CCDC73: variants seen among roughly 807,000 people sequenced by gnomAD.
CCDC73 encodes the protein coiled-coil domain containing 73, also known as coiled-coil domain-containing protein 73.
CCDC73 carries 95 observed loss-of-function variants against 116.5 expected under a neutral mutation model. The observed-to-expected ratio is 0.82, with a 90% CI of 0.69 to 0.97. CCDC73 has a LOEUF of 0.97. Among genes scored for constraint, CCDC73 ranks in the 50% least tolerant of loss-of-function variants. CCDC73 has a pLI of 0.00. For synonymous variants in CCDC73, 398 were observed against 401.3 expected (o/e 0.99, Z 0.10); for missense variants, 1,066 against 1,206.8 (o/e 0.88, Z 1.73).
chr11:32,728,696 TTTTG>T (rs1850049776), intron 2 of CCDC73, among the ~76,000 whole-genome samples: 2 of 149,462 alleles, frequency 1.3e-5, no homozygotes, highest in East Asian at 1.9e-4. Context: ...TCCAATTCTG[TTTTG>T]TTTGTTTTGT....
At chr11:32,819,270 G>A in the CCDC73 span, among the ~76,000 whole-genome samples, 1 of 151,218 alleles carries the variant, frequency 6.6e-6, no homozygotes, top group African/African-American at 2.4e-5. Flanking sequence ...TTCCATACAG[G>A]ACAAACCATA....
At position 32,653,231 on chromosome 11, in the gene CCDC73, T is replaced by C. The variant is rs766334347; in HGVS notation, c.835-4A>G. 2.9e-5 allele frequency: 46 copies of C among 1,571,838 alleles called. No homozygotes were observed. Among genetic ancestry groups the C allele is most frequent in the Non-Finnish European group, 3.9e-5 (45 of 1,144,614 alleles). Reference sequence around the variant, plus strand: ...GTTGGAAAGAAATGATGATATCCTTTGAAAATACACAAATATATCAATTTA... The same window carrying C: ...GTTGGAAAGAAATGATGATATCCTTCGAAAATACACAAATATATCAATTTA... On this transcript the variant is annotated splice_region_variant and splice_polypyrimidine_tract_variant and intron_variant, in intron 11 of 17. Coordinates refer to ENST00000335185, the MANE Select transcript of CCDC73 (RefSeq NM_001008391.4).
chr11:32,675,791 T>C lies in CCDC73; in HGVS notation c.565+95A>G, dbSNP rs1371588158. 2.4e-6 allele frequency: 3 copies of C among 1,225,658 alleles called. No homozygotes were observed. In the Admixed American group the frequency reaches 6.9e-5, roughly 28 times the overall value. 75.9% of individuals were successfully genotyped at this position (1,225,658 alleles called of 1,614,324 possible). ...AGTTATTAACTGCCATTTACTATTATCAGTATTATCATAGATATTCAATGT... is the reference window on the plus strand; with the variant it reads ...AGTTATTAACTGCCATTTACTATTACCAGTATTATCATAGATATTCAATGT... On this transcript the variant is annotated intron_variant, in intron 8 of 17. Coordinates refer to ENST00000335185, the MANE Select transcript of CCDC73 (RefSeq NM_001008391.4).
chr11:32,775,836 A>T (rs1180657577), intron 1 of CCDC73, among the ~76,000 whole-genome samples: 3 of 152,118 alleles, frequency 2.0e-5, no homozygotes, highest in Admixed American at 6.6e-5. Flanking sequence ...CTATCACACA[A>T]CTGCCATGTG....
Position 32,702,948 on chromosome 11 carries a change from T to A in CCDC73, c.208-4A>T. The A allele has an allele frequency of 6.2e-7, 1 of 1,604,950 alleles. No homozygotes were observed. Among genetic ancestry groups the A allele is most frequent in the Non-Finnish European group, 8.5e-7 (1 of 1,171,686 alleles). ...CCTTTTGATTCTGAAGAGTTTCCTG[T>A]TTTAAAAATTATGACAAGTTAAAAC... On this transcript the variant is annotated splice_polypyrimidine_tract_variant and splice_region_variant and intron_variant, in intron 3 of 17. Coordinates refer to ENST00000335185, the MANE Select transcript of CCDC73 (RefSeq NM_001008391.4).
At chr11:32,713,603 C>A (rs1849920501) in intron 3 of CCDC73, among the ~76,000 whole-genome samples, 1 of 152,018 alleles carries the variant, frequency 6.6e-6, no homozygotes, top group East Asian at 1.9e-4. Context: ...TTTGGAATGC[C>A]TACAACTGGC....
At chr11:32,791,991 T>C (rs199603630) in intron 1 of CCDC73, among the ~76,000 whole-genome samples, 30 of 145,110 alleles carry the variant, frequency 2.1e-4, no homozygotes, top group Non-Finnish European at 3.3e-4. Context: ...CACACACACA[T>C]ACACACACAC....
At chr11:32,692,083 AC>A (rs1856265252) in intron 6 of CCDC73, among the ~76,000 whole-genome samples, 1 of 150,780 alleles carries the variant, frequency 6.6e-6, no homozygotes, top group Non-Finnish European at 1.5e-5. Context: ...CCATCAGCAA[AC>A]CCATGGTCAT....
At chr11:32,731,708 T>C (rs1404448359) in intron 2 of CCDC73, among the ~76,000 whole-genome samples, 1 of 152,058 alleles carries the variant, frequency 6.6e-6, no homozygotes, top group Non-Finnish European at 1.5e-5. Context: ...GGGTCCTGAC[T>C]GTTAGAAGGA....
chr11:32,660,229 C>CA (rs11310092), intron 9 of CCDC73, among the ~76,000 whole-genome samples: 16,436 of 66,580 alleles, frequency 0.25, 2,847 homozygotes, highest in Non-Finnish European at 0.27. Context: ...TTCTCTCTAC[C>CA]AAAAAAAAAA....
At chr11:32,746,500 G>T (rs1010766490) in intron 2 of CCDC73, among the ~76,000 whole-genome samples, 15 of 152,140 alleles carry the variant, frequency 9.9e-5, no homozygotes, top group Admixed American at 7.2e-4. Context: ...AAGTTCTCCA[G>T]GATAATATCC....
rs189250126 is a variant in CCDC73 at position 32,676,706 on chromosome 11, G to T, written c.430-685C>A. 7.2e-5 allele frequency among the ~76,000 whole-genome samples: 11 copies of T among 152,286 alleles called. No homozygotes were observed. The East Asian group carries it at 2.1e-3, about 29-fold the overall frequency. ...AAGTTGAGGTGGGAGGATTGCTTGA[G>T]GCTAGGAGTTTAAGGCTGCAGTGAG... On this transcript the variant is annotated intron_variant, in intron 7 of 17. Transcript: ENST00000335185.
chr11:32,744,776 C>T (rs974909065), intron 2 of CCDC73, among the ~76,000 whole-genome samples: 12 of 152,162 alleles, frequency 7.9e-5, no homozygotes, highest in Middle Eastern at 6.8e-3. Context: ...TTTTTTATTG[C>T]GACTATTTGA....
chr11:32,714,304 C>T (rs1286336016), intron 3 of CCDC73, among the ~76,000 whole-genome samples: 2 of 152,030 alleles, frequency 1.3e-5, no homozygotes, highest in African/African-American at 4.8e-5. Flanking sequence ...ACCATATAAA[C>T]TTGTTAAGAG....
At chr11:32,620,434 C>T (rs1051051000) in intron 14 of CCDC73, among the ~76,000 whole-genome samples, 14 of 151,132 alleles carry the variant, frequency 9.3e-5, no homozygotes, top group African/African-American at 3.2e-4. Context: ...AAGGTGAAAC[C>T]CCGTTTCTAC....
Position 32,681,880 on chromosome 11 carries a change from C to A in CCDC73, c.429+1656G>T, listed in dbSNP as rs543435326. 4.0e-5 allele frequency: 6 copies of A among 151,820 alleles called. No individual in the cohort carries two copies. The East Asian group carries it at 1.2e-3, about 29-fold the overall frequency. 9.4% of individuals were successfully genotyped at this position (151,820 alleles called of 1,614,324 possible). A position where few individuals can be genotyped will look rare whatever the true frequency, so the allele number is the denominator to read the frequency against. On this transcript the variant is annotated intron_variant, in intron 7 of 17. Transcript: ENST00000335185. ...AGAATGCTTAGAAAAAGGGGTACTTCTAACTTTTAAATCCAAAATATAAAT... is the reference window on the plus strand; with the variant it reads ...AGAATGCTTAGAAAAAGGGGTACTTATAACTTTTAAATCCAAAATATAAAT...
chr11:32,812,495 G>A, the CCDC73 span, among the ~76,000 whole-genome samples: 6 of 152,036 alleles, frequency 3.9e-5, no homozygotes, highest in African/African-American at 7.2e-5. Flanking sequence ...GAGAAACCCT[G>A]TCTCTACTAA....
chr11:32,690,083 A>G (rs1590595632), intron 6 of CCDC73, among the ~76,000 whole-genome samples: 1 of 152,288 alleles, frequency 6.6e-6, no homozygotes, highest in Non-Finnish European at 1.5e-5. Context: ...AAATGAGAAG[A>G]TTCAAAATAT....
At chr11:32,766,366 A>C (rs138646040) in intron 1 of CCDC73, among the ~76,000 whole-genome samples, 2,064 of 152,302 alleles carry the variant, frequency 0.014, 55 homozygotes, top group African/African-American at 0.047. Context: ...GAATGGGCAA[A>C]AACTGGAAGC....
Sources: allele counts gnomAD v4.1 joint callset (sites outside exome capture counted in the v4.1 genomes callset), GRCh38; gene constraint gnomAD v4.1.1; transcripts MANE v1.5; gene names NCBI Gene and HGNC (gene_info 2026-07-23, HGNC 2026-07-21).